CEP83: variants seen among roughly 807,000 people sequenced by gnomAD.
The protein encoded by CEP83 is centrosomal protein of 83 kDa.
A neutral mutation model predicts 101.9 loss-of-function variants in CEP83; 70 were observed. The ratio of observed to expected loss-of-function variants is 0.69; its 90% CI spans 0.57 to 0.84. The LOEUF (loss-of-function observed/expected upper bound fraction) is 0.84, where lower values mean the gene tolerates loss of function less well. Ranked by LOEUF, CEP83 falls within the 40% of genes least tolerant of loss-of-function variation. The pLI is 0.00. For missense variants in CEP83, 715 were observed against 787.2 expected, an observed-to-expected ratio of 0.91 and a Z score of 1.10; for synonymous variants, 264 against 267.9, an observed-to-expected ratio of 0.99 and a Z score of 0.14.
At chr12:94,373,170 T>G (rs1410286834) in intron 8 of CEP83, among the ~76,000 whole-genome samples, 1 of 152,122 alleles carries the variant, frequency 6.6e-6, no homozygotes, top group East Asian at 1.9e-4. Context: ...TGCATAAAAT[T>G]TCAAGCAATT....
intron 2 of CEP83, among the ~76,000 whole-genome samples, chr12:94,431,239 A>T (rs1369256862): frequency 6.6e-6 from 1 of 152,220 alleles, no homozygotes; most frequent in Admixed American, 6.5e-5. Context: ...CTGAATATCC[A>T]TATGCAGAAA....
chr12:94,336,717 G>A (rs955167229), intron 11 of CEP83, among the ~76,000 whole-genome samples: 3 of 152,136 alleles, frequency 2.0e-5, no homozygotes, highest in Admixed American at 6.5e-5. Context: ...TTGCTCCACC[G>A]TCAGTACCAG....
At chr12:94,277,769 G>T in the CEP83 span, 1 of 363,352 alleles carries the variant, frequency 2.8e-6, no homozygotes, top group Admixed American at 3.6e-5. Flanking sequence ...AATTGTACAG[G>T]TTTTATTGCC....
At chr12:94,280,825 C>T in the CEP83 span, among the ~76,000 whole-genome samples, 1 of 152,206 alleles carries the variant, frequency 6.6e-6, no homozygotes, top group Non-Finnish European at 1.5e-5. Flanking sequence ...AGCATCCTTA[C>T]TCTTTTCCTG....
At chr12:94,460,055 A>G (rs1319111956), upstream of CEP83, 1 of 152,232 alleles carries the variant, frequency 6.6e-6, no homozygotes, top group East Asian at 1.9e-4. Flanking sequence ...GAGGAGACAA[A>G]CGAACCGAGG....
the CEP83 span, among the ~76,000 whole-genome samples, chr12:94,274,224 G>A: frequency 1.3e-5 from 2 of 149,006 alleles, no homozygotes; most frequent in East Asian, 2.0e-4. Context: ...TGTAGTCTCT[G>A]CTATGTGGGA....
At chr12:94,335,756 T>C in intron 11 of CEP83, 92 bp from the exon 12 acceptor site, 1 of 794,752 alleles carries the variant, frequency 1.3e-6, no homozygotes, top group Non-Finnish European at 2.0e-6. Context: ...AATGCCTGTT[T>C]GACACCAGAG....
the CEP83 span, among the ~76,000 whole-genome samples, chr12:94,281,393 A>G: frequency 6.6e-6 from 1 of 152,198 alleles, no homozygotes; most frequent in Non-Finnish European, 1.5e-5. Context: ...CAGAAAATAC[A>G]TAAGGGGTGT....
chr12:94,433,414 C>T (rs2065782474), intron 2 of CEP83, among the ~76,000 whole-genome samples: 1 of 152,074 alleles, frequency 6.6e-6, no homozygotes, highest in Non-Finnish European at 1.5e-5. Flanking sequence ...GGCGCAGTGG[C>T]TCATACCTAT....
At chr12:94,273,529 C>T in the CEP83 span, among the ~76,000 whole-genome samples, 2 of 152,146 alleles carry the variant, frequency 1.3e-5, no homozygotes, top group African/African-American at 4.8e-5. Flanking sequence ...TCCTTGATTT[C>T]TCTGTTTGAA....
intron 1 of CEP83, among the ~76,000 whole-genome samples, chr12:94,456,882 G>A (rs2067722598): frequency 6.6e-6 from 1 of 152,194 alleles, no homozygotes; most frequent in African/African-American, 2.4e-5. Context: ...ATCGAGATCT[G>A]AAGTCCTGCC....
Position 94,370,182 on chromosome 12 carries a change from G to A in CEP83, c.934-146C>T. 1.2e-5 allele frequency: 7 copies of A among 586,646 alleles called. No individual in the cohort carries two copies. The South Asian group carries it at 1.6e-4, about 14-fold the overall frequency. 36.3% of individuals were successfully genotyped at this position (586,646 alleles called of 1,614,324 possible). ...CAAGAAGAAAGAAGTGTCAGTGCCT[G>A]CAACAGTACTTCAAGTAAGGAGACA... On this transcript the variant is annotated intron_variant, in intron 8 of 16. Coordinates refer to ENST00000397809, the MANE Select transcript of CEP83 (RefSeq NM_016122.3).
At chr12:94,357,346 T>C (rs1268858912) in intron 11 of CEP83, among the ~76,000 whole-genome samples, 1 of 151,982 alleles carries the variant, frequency 6.6e-6, no homozygotes, top group East Asian at 1.9e-4. Context: ...AGCATGGTCA[T>C]ACTAAAAAAG....
chr12:94,278,129 T>C, the CEP83 span: 1 of 409,832 alleles, frequency 2.4e-6, no homozygotes, highest in Non-Finnish European at 4.8e-6. Flanking sequence ...CCTGTTAGAC[T>C]CTCCGCTCCT....
chr12:94,302,989 T>G (rs1176415327), downstream of CEP83, among the ~76,000 whole-genome samples: 1 of 152,214 alleles, frequency 6.6e-6, no homozygotes, highest in African/African-American at 2.4e-5. Flanking sequence ...TCAGAATGAT[T>G]CATCAAGCCA....
chr12:94,336,072 A>C (rs1341409724), intron 11 of CEP83, among the ~76,000 whole-genome samples: 1 of 151,496 alleles, frequency 6.6e-6, no homozygotes, highest in African/African-American at 2.5e-5. Flanking sequence ...TCCATATAGT[A>C]TTTTACAATT....
intron 11 of CEP83, among the ~76,000 whole-genome samples, chr12:94,367,304 T>C (rs1399244851): frequency 1.3e-5 from 2 of 152,112 alleles, no homozygotes; most frequent in Non-Finnish European, 2.9e-5. Flanking sequence ...CTTAACCAAG[T>C]GATCAAGGTT....
At chr12:94,304,701 C>T (rs1431835433), downstream of CEP83, among the ~76,000 whole-genome samples, 1 of 152,042 alleles carries the variant, frequency 6.6e-6, no homozygotes. Context: ...AGGGTAGAGG[C>T]AATGAGTTCT....
At chr12:94,445,394 T>TA (rs1412550224) in intron 1 of CEP83, among the ~76,000 whole-genome samples, 1 of 151,414 alleles carries the variant, frequency 6.6e-6, no homozygotes, top group Non-Finnish European at 1.5e-5. Context: ...TAAAAAAAAA[T>TA]ACAGGAGAAA....
Sources: allele counts gnomAD v4.1 joint callset (sites outside exome capture counted in the v4.1 genomes callset), GRCh38; gene constraint gnomAD v4.1.1; transcripts MANE v1.5; gene names NCBI Gene and HGNC (gene_info 2026-07-23, HGNC 2026-07-21).